FHIT: variants seen among roughly 807,000 people sequenced by gnomAD.
The protein encoded by FHIT is bis(5'-adenosyl)-triphosphatase.
A neutral mutation model predicts 17.9 loss-of-function variants in FHIT; 19 were observed. The ratio of observed to expected loss-of-function variants is 1.06; its 90% CI spans 0.74 to 1.56. The LOEUF (loss-of-function observed/expected upper bound fraction) is 1.56. Ranked by LOEUF, FHIT falls within the 40% of genes most tolerant of loss-of-function variation. The pLI, the probability that FHIT is intolerant of heterozygous loss-of-function variation, is 0.00. For synonymous variants in FHIT, 81 were observed against 69.7 expected (o/e 1.16, Z -0.81); for missense variants, 248 against 189.2 (o/e 1.31, Z -1.82).
rs529266380 is a variant in FHIT at position 60,044,972 on chromosome 3, T to C, written c.104-30820A>G. 3.3e-5 allele frequency among the ~76,000 whole-genome samples: 5 copies of C among 152,244 alleles called. No individual in the cohort carries two copies. The South Asian group carries it at 6.2e-4, about 19-fold the overall frequency. Reference sequence around the variant, plus strand: ...GAATTTCAAAATAAACACTGATCAATTGAAGTTATTTTGACCCAAAGTCTT... The same window carrying C: ...GAATTTCAAAATAAACACTGATCAACTGAAGTTATTTTGACCCAAAGTCTT... On this transcript the variant is annotated intron_variant, in intron 5 of 9. Coordinates refer to ENST00000492590, the MANE Select transcript of FHIT (RefSeq NM_002012.4).
At chr3:60,036,564 T>G (rs1035507223) in intron 5 of FHIT, among the ~76,000 whole-genome samples, 1 of 152,182 alleles carries the variant, frequency 6.6e-6, no homozygotes, top group Non-Finnish European at 1.5e-5. Context: ...ATCATAAAGA[T>G]ACTTAAAACA....
Position 60,827,647 on chromosome 3 carries a change from C to T in FHIT, c.-110-5636G>A, listed in dbSNP as rs144526737. Among the ~76,000 whole-genome samples, 377 of 152,214 alleles carry T rather than the reference C, an allele frequency of 2.5e-3. 2 individuals carry two copies. Among genetic ancestry groups the T allele is most frequent in the African/African-American group, 8.6e-3 (358 of 41,520 alleles). On this transcript the variant is annotated intron_variant, in intron 3 of 9. Coordinates refer to ENST00000492590, the MANE Select transcript of FHIT (RefSeq NM_002012.4). ...GGCTGCTCTGCACTGCAATAAACAT[C>T]GGGTTTTCAAATGAACAAATGAAGT...
chr3:60,803,805 C>A (rs1701285113), intron 4 of FHIT, among the ~76,000 whole-genome samples: 1 of 152,144 alleles, frequency 6.6e-6, no homozygotes, highest in African/African-American at 2.4e-5. Flanking sequence ...TGGTAAGGAC[C>A]CAGTTTCTCG....
intron 3 of FHIT, among the ~76,000 whole-genome samples, chr3:60,833,211 A>T (rs1702394806): frequency 6.6e-6 from 1 of 152,130 alleles, no homozygotes; most frequent in African/African-American, 2.4e-5. Flanking sequence ...TCAGCTATGC[A>T]TGGTGACTCC....
intron 3 of FHIT, among the ~76,000 whole-genome samples, chr3:60,854,398 C>A (rs1703282632): frequency 6.6e-6 from 1 of 152,068 alleles, no homozygotes; most frequent in Non-Finnish European, 1.5e-5. Context: ...ATCTAGCTAA[C>A]CAACAGCCCA....
intron 5 of FHIT, among the ~76,000 whole-genome samples, chr3:60,328,334 G>T (rs1351544568): frequency 6.6e-6 from 1 of 152,190 alleles, no homozygotes; most frequent in African/African-American, 2.4e-5. Context: ...AAACACCTGA[G>T]AATGGGTACT....
chr3:61,117,223 C>T (rs1057197829), intron 2 of FHIT, among the ~76,000 whole-genome samples: 2 of 152,148 alleles, frequency 1.3e-5, no homozygotes, highest in African/African-American at 4.8e-5. Flanking sequence ...TCTAGAGTCA[C>T]ATCTTTTAAG....
At chr3:60,698,977 A>T (rs2041177494) in intron 4 of FHIT, among the ~76,000 whole-genome samples, 1 of 152,194 alleles carries the variant, frequency 6.6e-6, no homozygotes, top group African/African-American at 2.4e-5. Flanking sequence ...ACAAAATTAG[A>T]TGATATTATA....
intron 5 of FHIT, among the ~76,000 whole-genome samples, chr3:60,098,902 C>A (rs376274629): frequency 6.6e-6 from 1 of 152,162 alleles, no homozygotes; most frequent in Non-Finnish European, 1.5e-5. Flanking sequence ...GCACCCCTAA[C>A]CCCTGTGATG....
At chr3:61,160,304 C>T (rs548706648) in intron 2 of FHIT, among the ~76,000 whole-genome samples, 10 of 150,826 alleles carry the variant, frequency 6.6e-5, no homozygotes, top group South Asian at 2.1e-4. Context: ...CTTTGAAAAA[C>T]GTGCCATGAT....
chr3:61,010,050 G>T (rs763981870), intron 3 of FHIT, among the ~76,000 whole-genome samples: 20 of 152,116 alleles, frequency 1.3e-4, no homozygotes, highest in Non-Finnish European at 2.9e-5. Flanking sequence ...CTTGAAACTA[G>T]AAAGAGATGG....
chr3:60,807,796 A>C (rs1553734766), intron 4 of FHIT, among the ~76,000 whole-genome samples: 1 of 152,178 alleles, frequency 6.6e-6, no homozygotes, highest in African/African-American at 2.4e-5. Flanking sequence ...ACAGTGAAAA[A>C]GAAAGGTAAA....
chr3:60,494,489 G>A (rs919907110), intron 5 of FHIT, among the ~76,000 whole-genome samples: 8 of 152,050 alleles, frequency 5.3e-5, no homozygotes, highest in African/African-American at 1.7e-4. Flanking sequence ...TATACTCTTA[G>A]TTATTTCAAA....
At chr3:61,107,986 G>A (rs999755646) in intron 2 of FHIT, among the ~76,000 whole-genome samples, 19 of 152,152 alleles carry the variant, frequency 1.2e-4, no homozygotes, top group South Asian at 6.2e-4. Context: ...CACGATGTAC[G>A]GAAAAACCTT....
At chr3:61,204,027 T>G (rs2106700329) in intron 1 of FHIT, among the ~76,000 whole-genome samples, 1 of 152,306 alleles carries the variant, frequency 6.6e-6, no homozygotes, top group Middle Eastern at 3.4e-3. Flanking sequence ...GGAAAATCAG[T>G]GAAAGTTACC....
chr3:60,790,754 C>T (rs1553728290), intron 4 of FHIT, among the ~76,000 whole-genome samples: 2 of 152,162 alleles, frequency 1.3e-5, no homozygotes, highest in Non-Finnish European at 2.9e-5. Flanking sequence ...CTTGTCCAAA[C>T]ACACAGGACT....
At chr3:60,949,491 T>C (rs538668008) in intron 3 of FHIT, among the ~76,000 whole-genome samples, 5 of 152,340 alleles carry the variant, frequency 3.3e-5, no homozygotes, top group African/African-American at 1.2e-4. Context: ...TGCAAACTTC[T>C]AGATCCCCTT....
At chr3:60,174,270 C>T (rs1343096028) in intron 5 of FHIT, among the ~76,000 whole-genome samples, 1 of 152,042 alleles carries the variant, frequency 6.6e-6, no homozygotes, top group South Asian at 2.1e-4. Flanking sequence ...CTTATGGCTA[C>T]ACCACAAAAA....
chr3:60,888,876 G>A (rs1287916642), intron 3 of FHIT, among the ~76,000 whole-genome samples: 1 of 152,110 alleles, frequency 6.6e-6, no homozygotes, highest in African/African-American at 2.4e-5. Context: ...TCTCCCAATG[G>A]TAAATCAAGA....
Sources: allele counts gnomAD v4.1 joint callset (sites outside exome capture counted in the v4.1 genomes callset), GRCh38; gene constraint gnomAD v4.1.1; transcripts MANE v1.5; gene names NCBI Gene and HGNC (gene_info 2026-07-23, HGNC 2026-07-21).